ARFIP1: variants seen among roughly 807,000 people sequenced by gnomAD.
The protein encoded by ARFIP1 is ARF interacting protein 1.
ARFIP1 carries 24 observed loss-of-function variants against 42.5 expected under a neutral mutation model. The ratio of observed to expected loss-of-function variants is 0.57; its 90% CI spans 0.41 to 0.80. ARFIP1 has a LOEUF of 0.80. ARFIP1 is among the 30% of genes least tolerant of loss of function. ARFIP1 has a pLI of 0.00. For missense variants in ARFIP1, 354 were observed against 434.0 expected (o/e 0.82, Z 1.64); for synonymous variants, 141 against 153.7 (o/e 0.92, Z 0.61).
intron 8 of ARFIP1, among the ~76,000 whole-genome samples, chr4:152,903,193 ATCT>A (rs542358600): frequency 1.1e-3 from 164 of 152,304 alleles, no homozygotes; most frequent in Non-Finnish European, 1.3e-3. Flanking sequence ...TAGGCAGAAA[ATCT>A]TCTAAGTTTT....
chr4:152,847,429 G>A (rs986924890), intron 2 of ARFIP1, among the ~76,000 whole-genome samples: 6 of 151,784 alleles, frequency 4.0e-5, no homozygotes, highest in East Asian at 1.9e-4. Context: ...CACTGCACCC[G>A]GTGTCTTCTT....
chr4:152,887,285 TG>T (rs893150438), intron 7 of ARFIP1, among the ~76,000 whole-genome samples: 1 of 151,844 alleles, frequency 6.6e-6, no homozygotes. Context: ...TTTGAGTTGA[TG>T]GGGGGAGAAT....
chr4:152,863,770 C>A, intron 3 of ARFIP1, 56 bp downstream of exon 3: 1 of 1,080,346 alleles, frequency 9.3e-7, no homozygotes, highest in Non-Finnish European at 1.4e-6. Context: ...AGAAGTTCAC[C>A]AAATGCTACC....
intron 2 of ARFIP1, 29 bp from the exon 3 acceptor site, chr4:152,863,577 G>GT: frequency 7.5e-7 from 1 of 1,340,136 alleles, no homozygotes; most frequent in Non-Finnish European, 1.1e-6. Flanking sequence ...TTTTTACAAA[G>GT]TTTTTTCTTT....
intron 1 of ARFIP1, among the ~76,000 whole-genome samples, chr4:152,797,147 G>A (rs549097388): frequency 5.9e-4 from 90 of 152,182 alleles, no homozygotes; most frequent in African/African-American, 1.9e-3. Flanking sequence ...GTTTATTCTG[G>A]AATATGATGT....
chr4:152,894,343 T>G (rs1362114583), intron 8 of ARFIP1, among the ~76,000 whole-genome samples: 2 of 152,080 alleles, frequency 1.3e-5, no homozygotes, highest in Non-Finnish European at 2.9e-5. Flanking sequence ...GGAAAAAATA[T>G]AAACCTCAGA....
At chr4:152,878,954 GTATC>G (rs1478807616) in intron 5 of ARFIP1, among the ~76,000 whole-genome samples, 1 of 152,192 alleles carries the variant, frequency 6.6e-6, no homozygotes, top group Non-Finnish European at 1.5e-5. Flanking sequence ...AATAAGTGAT[GTATC>G]TATCTCCTTT....
chr4:152,812,242 G>A (rs776099050), intron 1 of ARFIP1, among the ~76,000 whole-genome samples: 20 of 152,286 alleles, frequency 1.3e-4, no homozygotes, highest in Middle Eastern at 3.4e-3. Flanking sequence ...TCAGCCAGGC[G>A]GGAGTGCAGT....
rs1271135459 is a variant in ARFIP1 at position 152,910,914 on chromosome 4, A to AT, written c.*698dup. 13 of 152,612 alleles carry AT rather than the reference A, an allele frequency of 8.5e-5. No homozygotes were observed. Among genetic ancestry groups the AT allele is most frequent in the African/African-American group, 3.1e-4 (13 of 41,530 alleles). 9.5% of individuals were successfully genotyped at this position (152,612 alleles called of 1,614,324 possible). A position where few individuals can be genotyped will look rare whatever the true frequency, so the allele number is the denominator to read the frequency against. On this transcript the variant is annotated 3_prime_UTR_variant, in exon 9 of 9. Transcript: ENST00000353617. ...AAGTCATTGGACAGTTACATTTGCAATTTCTTTTGGTTCATAACAAAACCT... is the reference window on the plus strand; with the variant it reads ...AAGTCATTGGACAGTTACATTTGCAATTTTCTTTTGGTTCATAACAAAACCT...
intron 2 of ARFIP1, among the ~76,000 whole-genome samples, chr4:152,834,897 G>A (rs1446151383): frequency 6.6e-6 from 1 of 152,208 alleles, no homozygotes; most frequent in Admixed American, 6.5e-5. Context: ...CATGGAAGCT[G>A]CCAAGACATA....
intron 8 of ARFIP1, among the ~76,000 whole-genome samples, chr4:152,903,360 TA>T (rs1263218730): frequency 6.6e-6 from 1 of 152,150 alleles, no homozygotes; most frequent in Non-Finnish European, 1.5e-5. Flanking sequence ...TAACCAATAC[TA>T]ATAGAAAAGT....
chr4:152,791,921 A>G (rs1251357341), intron 1 of ARFIP1, among the ~76,000 whole-genome samples: 2 of 152,194 alleles, frequency 1.3e-5, no homozygotes, highest in South Asian at 2.1e-4. Context: ...TGAAGCATTA[A>G]AAATAACTTG....
At chr4:152,806,675 A>G (rs796679605) in intron 1 of ARFIP1, among the ~76,000 whole-genome samples, 2 of 152,164 alleles carry the variant, frequency 1.3e-5, no homozygotes, top group African/African-American at 4.8e-5. Context: ...TCCCTTTGCA[A>G]TCAGTTCTTC....
chr4:152,804,088 AC>A (rs1171429843), intron 1 of ARFIP1, among the ~76,000 whole-genome samples: 12 of 97,170 alleles, frequency 1.2e-4, no homozygotes, highest in South Asian at 2.9e-4. Context: ...ATATAATATA[AC>A]GTAATATATA....
At chr4:152,849,903 G>T (rs1243686897) in intron 2 of ARFIP1, among the ~76,000 whole-genome samples, 1 of 151,994 alleles carries the variant, frequency 6.6e-6, no homozygotes, top group Admixed American at 6.6e-5. Flanking sequence ...AAGATGAAAG[G>T]CATTAGAAAT....
intron 2 of ARFIP1, among the ~76,000 whole-genome samples, chr4:152,841,683 A>C (rs544829981): frequency 6.6e-6 from 1 of 152,262 alleles, no homozygotes; most frequent in African/African-American, 2.4e-5. Context: ...ATTGGCTGAT[A>C]ATTGTTTTGC....
At chr4:152,825,331 TGTG>T (rs1730745810) in intron 1 of ARFIP1, among the ~76,000 whole-genome samples, 1 of 152,030 alleles carries the variant, frequency 6.6e-6, no homozygotes, top group Non-Finnish European at 1.5e-5. Flanking sequence ...ACCAAAACAG[TGTG>T]GTACTGGCAT....
At chr4:152,812,977 A>G (rs1052316845) in intron 1 of ARFIP1, among the ~76,000 whole-genome samples, 7 of 152,194 alleles carry the variant, frequency 4.6e-5, no homozygotes, top group South Asian at 2.1e-4. Flanking sequence ...TAGTCTTTCA[A>G]ATAGCTTTTC....
intron 5 of ARFIP1, among the ~76,000 whole-genome samples, chr4:152,876,878 G>T (rs563530604): frequency 6.6e-6 from 1 of 152,356 alleles, no homozygotes; most frequent in South Asian, 2.1e-4. Context: ...GAGGGTGGAA[G>T]CCCCAAGCCT....
Sources: allele counts gnomAD v4.1 joint callset (sites outside exome capture counted in the v4.1 genomes callset), GRCh38; gene constraint gnomAD v4.1.1; transcripts MANE v1.5; gene names NCBI Gene and HGNC (gene_info 2026-07-23, HGNC 2026-07-21).